The following TPM3 variants were observed in gnomAD, a reference collection of about 807,000 sequenced individuals.
The protein encoded by TPM3 is tropomyosin alpha-3 chain.
TPM3 carries 16 observed loss-of-function variants against 43.1 expected under a neutral mutation model. That is an observed-to-expected ratio of 0.37 (90% confidence interval 0.25 to 0.56). The LOEUF (loss-of-function observed/expected upper bound fraction) is 0.56. Ranked by LOEUF, TPM3 falls within the 20% of genes least tolerant of loss-of-function variation. TPM3 has a pLI of 0.77. For missense variants in TPM3, 176 were observed against 337.2 expected, an observed-to-expected ratio of 0.52 and a Z score of 3.74; for synonymous variants, 101 against 116.9, an observed-to-expected ratio of 0.86 and a Z score of 0.88.
At chr1:154,170,322 A>T in intron 8 of TPM3, 78 bp downstream of exon 8, 1 of 1,501,382 alleles carries the variant, frequency 6.7e-7, no homozygotes. Context: ...CCTTTGGTGT[A>T]CAGAAAAAGA....
intron 2 of TPM3, among the ~76,000 whole-genome samples, chr1:154,185,356 G>T (rs1663362180): frequency 7.4e-6 from 1 of 134,402 alleles, no homozygotes. Context: ...CCGGGTGACA[G>T]AGTGAGACTC....
chr1:154,170,587 T>C, intron 7 of TPM3, 62 bp downstream of exon 7: 1 of 1,593,206 alleles, frequency 6.3e-7, no homozygotes, highest in Non-Finnish European at 8.6e-7. Flanking sequence ...TTTAAATCCA[T>C]ATTAATGCCT....
At chr1:154,191,073 G>A (rs1392433486) in intron 2 of TPM3, 113 bp downstream of exon 2, 19 of 1,520,828 alleles carry the variant, frequency 1.2e-5, no homozygotes, top group Non-Finnish European at 1.7e-5. Flanking sequence ...ATGTATGTGA[G>A]TATATATGTC....
chr1:154,162,582 AGGGCAAAAT>A lies in TPM3; in HGVS notation c.*5346_*5354del, dbSNP rs1660500688. 1.3e-5 allele frequency among the ~76,000 whole-genome samples: 2 copies of A among 152,220 alleles called. No homozygotes were observed. Among genetic ancestry groups the A allele is most frequent in the South Asian group, 4.1e-4 (2 of 4,822 alleles). ...CTTATCTCAATGATGGTAACAAGGA[AGGGCAAAAT>A]GGGCCTGTGGTTCTTAGAAATTAAG... On this transcript the variant is annotated 3_prime_UTR_variant, in exon 10 of 10. Transcript: ENST00000651641.
At chr1:154,167,964 C>T in intron 9 of TPM3, 24 bp from the exon 10 acceptor site, 3 of 1,613,664 alleles carry the variant, frequency 1.9e-6, no homozygotes, top group East Asian at 2.2e-5. Context: ...TAAGGATACT[C>T]TAGGTGAGAA....
In TPM3 at chr1:154,184,189, A is replaced by G. The variant is rs182744912; in HGVS notation, c.243+6997T>C. On this transcript the variant is annotated intron_variant, in intron 2 of 9. Transcript: ENST00000651641. ...AGCCTCCCGAGTAGCGCCCTCCACC[A>G]CGCCCGGCTAATTTTTTTTTTGTAG... Among the ~76,000 whole-genome samples the G allele has an allele frequency of 4.7e-5, 7 of 150,296 alleles. No individual in the cohort carries two copies. The East Asian group carries it at 1.4e-3, about 29-fold the overall frequency.
chr1:154,191,699 T>A, intron 1 of TPM3: 2 of 1,503,442 alleles, frequency 1.3e-6, no homozygotes, highest in Non-Finnish European at 1.8e-6. Flanking sequence ...AGACATACTG[T>A]GGCTCACTGA....
At chr1:154,180,832 G>A (rs1196729876) in intron 2 of TPM3, among the ~76,000 whole-genome samples, 1 of 152,052 alleles carries the variant, frequency 6.6e-6, no homozygotes, top group African/African-American at 2.4e-5. Flanking sequence ...GGCTAAGGCA[G>A]GAGAATCACT....
Position 154,167,868 on chromosome 1 carries a change from G to C in TPM3, c.*69C>G. On this transcript the variant is annotated 3_prime_UTR_variant, in exon 10 of 10. Coordinates refer to ENST00000651641, the MANE Select transcript of TPM3 (RefSeq NM_152263.4). ...GGCTGACCCAAATGGAATCCAGAGC[G>C]AGAGTGGGGCCTTGGGTTCCCCGAG... is the stretch of plus-strand genomic sequence containing the variant. 1 of 1,613,772 alleles carries C rather than the reference G, an allele frequency of 6.2e-7. No homozygotes were observed.
Position 154,166,565 on chromosome 1 carries a change from T to A in TPM3, c.*1372A>T. 1 of 1,054,826 alleles carries A rather than the reference T, an allele frequency of 9.5e-7. No homozygotes were observed. Among genetic ancestry groups the A allele is most frequent in the East Asian group, 5.3e-5 (1 of 18,854 alleles). 65.3% of individuals were successfully genotyped at this position (1,054,826 alleles called of 1,614,324 possible). A position where few individuals can be genotyped will look rare whatever the true frequency, so the allele number is the denominator to read the frequency against. ...TGCACCCAGCTAAAAGAAAAGCAAA[T>A]TTTAAATACATACCCTGCTGGGAAA... On this transcript the variant is annotated 3_prime_UTR_variant, in exon 10 of 10. Transcript: ENST00000651641.
chr1:154,183,359 G>T, intron 2 of TPM3: 1 of 1,383,002 alleles, frequency 7.2e-7, no homozygotes, highest in Non-Finnish European at 9.5e-7. Flanking sequence ...ACGGCTCCCG[G>T]CCTTACCTTG....
rs894593538 is a variant in TPM3, at chr1:154,163,287, G to C, written c.*4650C>G. On this transcript the variant is annotated 3_prime_UTR_variant, in exon 10 of 10. Coordinates refer to ENST00000651641, the MANE Select transcript of TPM3 (RefSeq NM_152263.4). ...CCCTCAGCCACACTAGCCATGTTTT[G>C]AGTGCTTGACTGCCACATGTGGCTA... Among the ~76,000 whole-genome samples the C allele has an allele frequency of 2.6e-5, 4 of 152,170 alleles. No individual in the cohort carries two copies. Among genetic ancestry groups the C allele is most frequent in the African/African-American group, 9.7e-5 (4 of 41,432 alleles).
At chr1:154,181,831 G>T (rs938123361) in intron 2 of TPM3, among the ~76,000 whole-genome samples, 1 of 152,098 alleles carries the variant, frequency 6.6e-6, no homozygotes, top group Admixed American at 6.5e-5. Context: ...TGAGGCAGGA[G>T]AATCACTTGA....
In TPM3 at chr1:154,170,612, T is replaced by C. The variant is rs769071404; in HGVS notation, c.705+37A>G. The stretch of plus-strand genomic sequence containing the variant: ...TATTAATGCCTTATATACCTCTAAA[T>C]GTTTTGGGTTCTGCCCTATAAATCC... On this transcript the variant is annotated intron_variant, in intron 7 of 9. Transcript: ENST00000651641. The C allele has an allele frequency of 3.7e-6, 6 of 1,605,192 alleles. No homozygotes were observed. The East Asian group carries it at 1.1e-4, about 30-fold the overall frequency.
rs966896283 is a variant in TPM3, at chr1:154,164,117, C to T, written c.*3820G>A. On this transcript the variant is annotated 3_prime_UTR_variant, in exon 10 of 10. Coordinates refer to ENST00000651641, the MANE Select transcript of TPM3 (RefSeq NM_152263.4). Reference sequence around the variant, plus strand: ...GTATCTTCTTTCCCTTCCCCCAGCTCCCCAAACCAGGACAACATGATCTCC... The same window carrying T: ...GTATCTTCTTTCCCTTCCCCCAGCTTCCCAAACCAGGACAACATGATCTCC... 5.3e-5 allele frequency among the ~76,000 whole-genome samples: 8 copies of T among 152,122 alleles called. 1 individual carries two copies. The highest frequency in any genetic ancestry group is 3.4e-3 in the Middle Eastern group (1 of 294).
chr1:154,160,126 G>A (rs1045245656), downstream of TPM3, among the ~76,000 whole-genome samples: 15 of 151,738 alleles, frequency 9.9e-5, no homozygotes, highest in African/African-American at 3.6e-4. Context: ...AAGAGATAGT[G>A]GGATATGGAA....
rs111675463 is a variant in TPM3 at position 154,167,943 on chromosome 1, G to A, written c.855-3C>T. Reference sequence around the variant, plus strand: ...AGAGCAGAAACGGTGATAATTATCTGTATGAAAAAGTAAGGATACTCTAGG... The same window carrying A: ...AGAGCAGAAACGGTGATAATTATCTATATGAAAAAGTAAGGATACTCTAGG... On this transcript the variant is annotated splice_region_variant and splice_polypyrimidine_tract_variant and intron_variant, in intron 9 of 9. Coordinates refer to ENST00000651641, the MANE Select transcript of TPM3 (RefSeq NM_152263.4). The A allele has an allele frequency of 1.9e-6, 3 of 1,613,932 alleles. No individual in the cohort carries two copies. Among genetic ancestry groups the A allele is most frequent in the Non-Finnish European group, 2.5e-6 (3 of 1,179,948 alleles).
At chr1:154,183,164 C>G in intron 2 of TPM3, 1 of 1,597,308 alleles carries the variant, frequency 6.3e-7, no homozygotes, top group Non-Finnish European at 8.5e-7. Context: ...CTGCCTCCTC[C>G]GCTCGGCGTT....
intron 2 of TPM3, chr1:154,183,204 G>A (rs945902206): frequency 1.3e-6 from 2 of 1,579,244 alleles, no homozygotes; most frequent in Non-Finnish European, 1.7e-6. Context: ...ACTTCCGCCT[G>A]CTACGCCCTG....
Sources: gnomAD v4.1 joint callset for allele counts (sites outside exome capture counted in the v4.1 genomes callset) on GRCh38, gnomAD v4.1.1 for gene constraint, MANE v1.5 for transcripts, NCBI Gene and HGNC (gene_info 2026-07-23, HGNC 2026-07-21) for gene names.